The following SPIRE1 variants were observed in gnomAD, a reference collection of about 807,000 sequenced individuals.
SPIRE1 encodes protein spire homolog 1.
SPIRE1 carries 40 observed loss-of-function variants against 94.1 expected under a neutral mutation model. That is an observed-to-expected ratio of 0.43 (90% CI 0.33 to 0.55). SPIRE1 has a LOEUF of 0.55. SPIRE1 is among the 20% of genes least tolerant of loss of function. SPIRE1 has a pLI of 0.06. For missense variants in SPIRE1, 838 were observed against 975.2 expected, an observed-to-expected ratio of 0.86 and a Z score of 1.87; for synonymous variants, 376 against 371.7, an observed-to-expected ratio of 1.01 and a Z score of -0.13.
intron 2 of SPIRE1, among the ~76,000 whole-genome samples, chr18:12,554,055 C>T: frequency 6.6e-6 from 1 of 152,140 alleles, no homozygotes; most frequent in East Asian, 1.9e-4. Flanking sequence ...AATCCCAGCA[C>T]TTTGGGAGGC....
chr18:12,608,401 GT>G (rs1378403903), intron 2 of SPIRE1, among the ~76,000 whole-genome samples: 23 of 151,892 alleles, frequency 1.5e-4, no homozygotes, highest in Admixed American at 1.5e-3. Flanking sequence ...CATTCTATCC[GT>G]TTGTTTCTAG....
chr18:12,576,195 T>A (rs763376136), intron 2 of SPIRE1, among the ~76,000 whole-genome samples: 2 of 151,374 alleles, frequency 1.3e-5, no homozygotes, highest in Non-Finnish European at 2.9e-5. Context: ...ATAGTGAGAC[T>A]CGTCTCAAAA....
At chr18:12,495,057 A>AAAC (rs2033403728) in intron 7 of SPIRE1, among the ~76,000 whole-genome samples, 1 of 151,302 alleles carries the variant, frequency 6.6e-6, no homozygotes, top group Non-Finnish European at 1.5e-5. Context: ...CTCAAAAAAA[A>AAAC]AAAAAAAAAA....
intron 2 of SPIRE1, among the ~76,000 whole-genome samples, chr18:12,550,984 A>T: frequency 6.6e-6 from 1 of 152,206 alleles, no homozygotes; most frequent in Non-Finnish European, 1.5e-5. Flanking sequence ...TCTCTTGCAA[A>T]GTGCTCTTAT....
chr18:12,501,628 C>T (rs1209753166), intron 6 of SPIRE1, among the ~76,000 whole-genome samples: 1 of 152,142 alleles, frequency 6.6e-6, no homozygotes, highest in African/African-American at 2.4e-5. Context: ...GTGTTCCGCA[C>T]GCCTCGGCCT....
At chr18:12,556,702 C>A (rs780074298) in intron 2 of SPIRE1, among the ~76,000 whole-genome samples, 1 of 151,788 alleles carries the variant, frequency 6.6e-6, no homozygotes, top group Admixed American at 6.6e-5. Flanking sequence ...TCCTCCCTCC[C>A]GCTGGGTTCA....
chr18:12,641,364 TTC>T (rs917028648), intron 1 of SPIRE1, among the ~76,000 whole-genome samples: 3 of 120,360 alleles, frequency 2.5e-5, no homozygotes, highest in African/African-American at 8.5e-5. Context: ...ATACCCGAAT[TTC>T]TTTTTTTCTT....
chr18:12,542,235 A>G (rs545643129), intron 3 of SPIRE1, among the ~76,000 whole-genome samples: 118 of 152,254 alleles, frequency 7.8e-4, no homozygotes, highest in African/African-American at 2.8e-3. Flanking sequence ...TCAGCCTCCC[A>G]AAGTGCTGGG....
Position 12,446,622 on chromosome 18 carries a change from C to T in SPIRE1, c.*3016G>A, listed in dbSNP as rs903905455. 7 of 152,170 alleles carry T rather than the reference C, an allele frequency of 4.6e-5. No individual in the cohort carries two copies. The highest frequency in any genetic ancestry group is 7.3e-5 in the Non-Finnish European group (5 of 68,032). 9.4% of individuals were successfully genotyped at this position (152,170 alleles called of 1,614,324 possible). A position where few individuals can be genotyped will look rare whatever the true frequency, so the allele number is the denominator to read the frequency against. On this transcript the variant is annotated 3_prime_UTR_variant, in exon 17 of 17. Coordinates refer to ENST00000409402, the MANE Select transcript of SPIRE1 (RefSeq NM_001128626.2). The stretch of plus-strand genomic sequence containing the variant: ...AATGCCAGCAATACCTCGACTTTTA[C>T]ACACGCAGGAAGCCTAGTAAAAGCC...
intron 6 of SPIRE1, among the ~76,000 whole-genome samples, chr18:12,498,253 G>A (rs1170365803): frequency 6.6e-6 from 1 of 152,180 alleles, no homozygotes; most frequent in East Asian, 1.9e-4. Flanking sequence ...TTGCTGCTGG[G>A]TCAGTTAAAT....
chr18:12,637,001 GAAGA>G (rs2037947426), intron 1 of SPIRE1, among the ~76,000 whole-genome samples: 2 of 152,194 alleles, frequency 1.3e-5, no homozygotes, highest in Admixed American at 1.3e-4. Context: ...TGCATGGGGG[GAAGA>G]GAGAGAGGGA....
intron 2 of SPIRE1, among the ~76,000 whole-genome samples, chr18:12,578,601 T>A (rs1312554540): frequency 6.6e-6 from 1 of 152,254 alleles, no homozygotes; most frequent in Admixed American, 6.5e-5. Context: ...ATTTAAATTA[T>A]ACTCCAAGGT....
intron 2 of SPIRE1, among the ~76,000 whole-genome samples, chr18:12,608,946 C>CG (rs2144675363): frequency 6.6e-6 from 1 of 152,220 alleles, no homozygotes; most frequent in South Asian, 2.1e-4. Context: ...GACGGTTACA[C>CG]GGAAGACAAT....
In SPIRE1 at chr18:12,493,621, G is replaced by C. The variant is rs146895351; in HGVS notation, c.1060-420C>G. The stretch of plus-strand genomic sequence containing the variant: ...GGGGTTTCACCAAGTTGGTCAGGCT[G>C]GTCTCGATCTCCTGATCTCAAGTGA... On this transcript the variant is annotated intron_variant, in intron 7 of 16. Transcript: ENST00000409402. Among the ~76,000 whole-genome samples, 294 of 152,160 alleles carry C rather than the reference G, an allele frequency of 1.9e-3. 1 individual carries two copies. The highest frequency in any genetic ancestry group is 6.7e-3 in the African/African-American group (279 of 41,536).
At chr18:12,582,398 T>A (rs1361734252) in intron 2 of SPIRE1, among the ~76,000 whole-genome samples, 1 of 152,224 alleles carries the variant, frequency 6.6e-6, no homozygotes, top group African/African-American at 2.4e-5. Flanking sequence ...AATGACCAGC[T>A]ATCTCCAACT....
intron 2 of SPIRE1, among the ~76,000 whole-genome samples, chr18:12,611,769 C>G (rs34899007): frequency 0.35 from 52,446 of 151,876 alleles, 10,608 homozygotes; most frequent in East Asian, 0.59. Flanking sequence ...CTCAAGTGAT[C>G]GTTCCTGCCT....
At chr18:12,487,639 G>A (rs921346849) in intron 8 of SPIRE1, among the ~76,000 whole-genome samples, 5 of 151,982 alleles carry the variant, frequency 3.3e-5, no homozygotes, top group Non-Finnish European at 7.4e-5. Context: ...TGACCCGCCC[G>A]CCTCGGCCTC....
rs2035603709 is a variant in SPIRE1 at position 12,559,020 on chromosome 18, CT to C, written c.373-12117del. On this transcript the variant is annotated intron_variant, in intron 2 of 16. Transcript: ENST00000409402. The surrounding 1 kb of genome is among the most constrained non-coding windows in gnomAD (Gnocchi z 4.7). ...AACTCAGGAGCCCAGCTGGCTTCCC[CT>C]AGTGGATCCTGCACCAGGGCGGCGG... is the stretch of plus-strand genomic sequence containing the variant. Among the ~76,000 whole-genome samples the C allele has an allele frequency of 6.6e-6, 1 of 152,216 alleles. No homozygotes were observed. The highest frequency in any genetic ancestry group is 1.5e-5 in the Non-Finnish European group (1 of 68,038).
intron 1 of SPIRE1, among the ~76,000 whole-genome samples, chr18:12,639,423 G>A (rs1341968905): frequency 6.6e-6 from 1 of 152,148 alleles, no homozygotes; most frequent in African/African-American, 2.4e-5. Context: ...GTTTCCAATT[G>A]AAGAAGCTGT....
Sources: allele counts gnomAD v4.1 joint callset (sites outside exome capture counted in the v4.1 genomes callset), GRCh38; gene constraint gnomAD v4.1.1; non-coding constraint Gnocchi (gnomAD v3.1); transcripts MANE v1.5; gene names NCBI Gene and HGNC (gene_info 2026-07-23, HGNC 2026-07-21).